Variants in MICU2 observed in about 807,000 individuals in gnomAD.
The protein encoded by MICU2 is mitochondrial calcium uptake 2.
MICU2 carries 64 observed loss-of-function variants against 60.4 expected under a neutral mutation model. The ratio of observed to expected loss-of-function variants is 1.06; its 90% CI spans 0.87 to 1.31. The LOEUF (loss-of-function observed/expected upper bound fraction) is 1.31. MICU2 is among the 50% of genes most tolerant of loss of function. MICU2 has a pLI of 0.00. For missense variants in MICU2, 569 were observed against 531.0 expected (o/e 1.07, Z -0.70); for synonymous variants, 201 against 175.0 (o/e 1.15, Z -1.17).
At chr13:21,585,790 T>C (rs1454221809) in intron 1 of MICU2, among the ~76,000 whole-genome samples, 2 of 152,200 alleles carry the variant, frequency 1.3e-5, no homozygotes, top group South Asian at 2.1e-4. Context: ...ACGGTCCACA[T>C]TTCTTGCTTT....
chr13:21,544,897 C>T (rs955170774), intron 2 of MICU2, among the ~76,000 whole-genome samples: 1 of 152,120 alleles, frequency 6.6e-6, no homozygotes, highest in African/African-American at 2.4e-5. Flanking sequence ...AGCAATCCTC[C>T]CACCTCAGCC....
chr13:21,530,707 G>A (rs554352483), intron 4 of MICU2: 3 of 432,702 alleles, frequency 6.9e-6, no homozygotes, highest in East Asian at 4.6e-5. Flanking sequence ...AGGGGGTCGG[G>A]GAGGCTGCAC....
At chr13:21,572,932 T>C (rs1398132280) in intron 1 of MICU2, among the ~76,000 whole-genome samples, 2 of 81,090 alleles carry the variant, frequency 2.5e-5, no homozygotes. Context: ...CTGTTGTTAA[T>C]GTAAATAATA....
intron 9 of MICU2, among the ~76,000 whole-genome samples, chr13:21,502,183 T>C (rs1337602418): frequency 6.6e-6 from 1 of 152,166 alleles, no homozygotes; most frequent in Admixed American, 6.5e-5. Context: ...CTAATTGTTA[T>C]ATATTTATCT....
intron 2 of MICU2, chr13:21,551,475 T>G (rs1887562725): frequency 6.6e-6 from 1 of 152,216 alleles, no homozygotes; most frequent in South Asian, 2.1e-4. Context: ...TTAGGGTACA[T>G]GTGCACAATG....
chr13:21,575,962 C>T (rs1376451895), intron 1 of MICU2, among the ~76,000 whole-genome samples: 1 of 152,128 alleles, frequency 6.6e-6, no homozygotes, highest in Non-Finnish European at 1.5e-5. Flanking sequence ...ACCTGTCTCC[C>T]ATGACCAACC....
chr13:21,603,837 A>G, intron 1 of MICU2, 102 bp downstream of exon 1: 1 of 1,309,472 alleles, frequency 7.6e-7, no homozygotes, highest in Non-Finnish European at 1.0e-6. Context: ...ACCTCCACCC[A>G]CGGCTCCGGG....
intron 1 of MICU2, among the ~76,000 whole-genome samples, chr13:21,575,729 CAAAAAAAAAA>C (rs10557584): frequency 2.1e-5 from 1 of 48,058 alleles, no homozygotes; most frequent in South Asian, 1.1e-3. Flanking sequence ...GACTCTGTCT[CAAAAAAAAAA>C]AAAAAAAAAA....
intron 1 of MICU2, among the ~76,000 whole-genome samples, chr13:21,589,516 T>C (rs537947061): frequency 1.3e-5 from 2 of 152,236 alleles, no homozygotes; most frequent in Non-Finnish European, 2.9e-5. Context: ...GTAGGGGTTG[T>C]TAGATATGAG....
intron 3 of MICU2, 130 bp downstream of exon 3, chr13:21,539,527 T>C: frequency 1.5e-6 from 2 of 1,345,882 alleles, no homozygotes; most frequent in Non-Finnish European, 2.1e-6. Flanking sequence ...GGTGATCTCC[T>C]GACCTCGTGA....
intron 1 of MICU2, among the ~76,000 whole-genome samples, chr13:21,579,499 C>T (rs1156414645): frequency 6.6e-6 from 1 of 152,054 alleles, no homozygotes; most frequent in Non-Finnish European, 1.5e-5. Flanking sequence ...CGCCACCACG[C>T]CAAGCTAATT....
In MICU2 at chr13:21,534,263, C is replaced by A. The variant is rs7987223; in HGVS notation, c.466+5039G>T. Among the ~76,000 whole-genome samples the A allele has an allele frequency of 3.2e-3, 477 of 151,130 alleles. 3 individuals carry two copies. Among genetic ancestry groups the A allele is most frequent in the Non-Finnish European group, 5.2e-3 (352 of 67,894 alleles). ...CTCTATTGCCCAGGCTGGAGTATAG[C>A]GGTACAATCGTGGCTCACTGAAGCC... On this transcript the variant is annotated intron_variant, in intron 4 of 11. Coordinates refer to ENST00000382374, the MANE Select transcript of MICU2 (RefSeq NM_152726.3).
chr13:21,522,161 T>A (rs981489795), intron 5 of MICU2, among the ~76,000 whole-genome samples: 1 of 152,250 alleles, frequency 6.6e-6, no homozygotes, highest in Non-Finnish European at 1.5e-5. Context: ...TTTATGTTTT[T>A]TCACTAATGC....
intron 2 of MICU2, among the ~76,000 whole-genome samples, chr13:21,555,477 A>G (rs1244974416): frequency 6.6e-5 from 10 of 152,074 alleles, no homozygotes; most frequent in African/African-American, 2.4e-4. Flanking sequence ...ACAATGCTTC[A>G]TGCTAAAAAC....
chr13:21,563,272 G>A (rs565775937), intron 2 of MICU2, among the ~76,000 whole-genome samples: 127 of 152,116 alleles, frequency 8.3e-4, no homozygotes, highest in African/African-American at 2.8e-3. Flanking sequence ...TGGCTAACAC[G>A]GTGAAACCCT....
intron 4 of MICU2, among the ~76,000 whole-genome samples, chr13:21,534,624 T>C (rs1037466771): frequency 2.7e-4 from 41 of 152,300 alleles, no homozygotes; most frequent in African/African-American, 9.1e-4. Context: ...TAAAAGTGCA[T>C]AGCAAAAATA....
At chr13:21,599,598 A>T (rs7999648) in intron 1 of MICU2, among the ~76,000 whole-genome samples, 3,507 of 152,350 alleles carry the variant, frequency 0.023, 124 homozygotes, top group African/African-American at 0.079. Context: ...TAACAACACC[A>T]TACATAGACT....
chr13:21,503,188 C>T (rs900359445), intron 8 of MICU2, 91 bp from the exon 9 acceptor site: 2 of 887,902 alleles, frequency 2.3e-6, no homozygotes, highest in Non-Finnish European at 3.4e-6. Context: ...TCACTATTAC[C>T]TACTGAGTGG....
At chr13:21,544,532 A>AAAACC (rs560934524) in intron 2 of MICU2, among the ~76,000 whole-genome samples, 1 of 132,510 alleles carries the variant, frequency 7.5e-6, no homozygotes, top group Admixed American at 7.7e-5. Flanking sequence ...AAAAAAAAAA[A>AAAACC]AACTCAATAC....
Sources: allele counts gnomAD v4.1 joint callset (sites outside exome capture counted in the v4.1 genomes callset), GRCh38; gene constraint gnomAD v4.1.1; transcripts MANE v1.5; gene names NCBI Gene and HGNC (gene_info 2026-07-23, HGNC 2026-07-21).